The following HADH variants were observed in gnomAD, a reference collection of about 807,000 sequenced individuals.
The protein encoded by HADH is hydroxyacyl-CoA dehydrogenase.
Under a neutral mutation model 32.2 loss-of-function variants are expected in HADH, and 24 were observed. The observed-to-expected ratio is 0.75, with a 90% CI of 0.54 to 1.05. The LOEUF (loss-of-function observed/expected upper bound fraction) is 1.05, where lower values mean the gene tolerates loss of function less well. Ranked by LOEUF, HADH falls within the 50% of genes least tolerant of loss-of-function variation. The pLI is 0.00. For synonymous variants in HADH, 139 were observed against 152.5 expected, an observed-to-expected ratio of 0.91 and a Z score of 0.65; for missense variants, 350 against 397.1, an observed-to-expected ratio of 0.88 and a Z score of 1.01.
chr4:108,019,045 T>A (rs1024360134), intron 3 of HADH, among the ~76,000 whole-genome samples: 1 of 152,226 alleles, frequency 6.6e-6, no homozygotes, highest in East Asian at 1.9e-4. Flanking sequence ...GCTTTTCACT[T>A]CAGGGAAAAT....
At chr4:108,001,871 A>G (rs1001211262) in intron 1 of HADH, among the ~76,000 whole-genome samples, 3 of 152,240 alleles carry the variant, frequency 2.0e-5, no homozygotes, top group African/African-American at 7.2e-5. Flanking sequence ...GGTAACTGAA[A>G]CTACAGAAAG....
chr4:108,033,470 G>A (rs1736349686), intron 7 of HADH, among the ~76,000 whole-genome samples, 178 bp downstream of exon 7: 1 of 152,148 alleles, frequency 6.6e-6, no homozygotes, highest in African/African-American at 2.4e-5. Context: ...ACTGTCTAGT[G>A]TCTCTTTAAC....
intron 1 of HADH, among the ~76,000 whole-genome samples, chr4:107,998,161 C>G (rs1178849435): frequency 1.3e-5 from 2 of 152,188 alleles, no homozygotes; most frequent in Non-Finnish European, 2.9e-5. Context: ...GTTCAGATTA[C>G]TATAACACAG....
At chr4:107,994,754 G>T (rs148126008) in intron 1 of HADH, among the ~76,000 whole-genome samples, 23 of 152,232 alleles carry the variant, frequency 1.5e-4, no homozygotes, top group African/African-American at 5.3e-4. Context: ...TTCCCGAGTT[G>T]TTGCTTATCT....
chr4:108,015,306 T>C (rs761240024), intron 3 of HADH, among the ~76,000 whole-genome samples: 1 of 152,234 alleles, frequency 6.6e-6, no homozygotes, highest in Non-Finnish European at 1.5e-5. Flanking sequence ...GTTTTGACTT[T>C]TTAATAAAAG....
chr4:108,004,497 A>G (rs984135976), intron 1 of HADH: 1 of 460,516 alleles, frequency 2.2e-6, no homozygotes, highest in African/African-American at 2.0e-5. Flanking sequence ...ACTCCAGTGC[A>G]GCTGCCTGGC....
intron 5 of HADH, 145 bp downstream of exon 5, chr4:108,023,708 C>T (rs868604715): frequency 1.7e-5 from 12 of 692,788 alleles, no homozygotes; most frequent in Admixed American, 4.0e-5. Flanking sequence ...AAGAGCAATC[C>T]GTGCCTCCTG....
intron 3 of HADH, among the ~76,000 whole-genome samples, chr4:108,017,769 G>A (rs888176777): frequency 1.3e-5 from 2 of 152,030 alleles, no homozygotes; most frequent in Admixed American, 1.3e-4. Context: ...GGCTCGTCTC[G>A]AACTCCTGAC....
At chr4:108,021,963 A>G (rs1317038525) in intron 4 of HADH, among the ~76,000 whole-genome samples, 1 of 152,102 alleles carries the variant, frequency 6.6e-6, no homozygotes, top group Non-Finnish European at 1.5e-5. Context: ...TTCTTTGTTT[A>G]TATAGCACCT....
intron 5 of HADH, chr4:108,026,800 G>A (rs1382867518): frequency 2.6e-5 from 4 of 152,200 alleles, no homozygotes; most frequent in African/African-American, 9.7e-5. Flanking sequence ...ACAGCCTTTT[G>A]ACAAAAGAGG....
In HADH at chr4:108,033,261, C is replaced by T. The variant is rs143416676; in HGVS notation, c.795C>T (p.Val265=). 3.6e-5 allele frequency: 58 copies of T among 1,589,932 alleles called. No individual in the cohort carries two copies. The highest frequency in any genetic ancestry group is 6.7e-5 in the Admixed American group (4 of 59,954). The change falls in exon 7 of 8, where the codon GTC becomes GTT. Residue 265 remains valine, a synonymous_variant. Transcript: ENST00000309522. The stretch of plus-strand genomic sequence containing the variant: ...GCCCATTTGAGCTTCTAGATTATGT[C>T]GGACTGGATACTACGAAGTTCATCG... ...PMGPFELLDY[V]GLDTTKFIVD...
At chr4:108,016,607 G>T (rs1297797629) in intron 3 of HADH, among the ~76,000 whole-genome samples, 1 of 152,178 alleles carries the variant, frequency 6.6e-6, no homozygotes, top group Non-Finnish European at 1.5e-5. Context: ...TGAAAAGATT[G>T]GTCGCTCTTG....
chr4:108,027,039 G>C (rs887127844), intron 5 of HADH: 1 of 159,940 alleles, frequency 6.3e-6, no homozygotes, highest in Non-Finnish European at 1.4e-5. Flanking sequence ...CCAGCTCTCT[G>C]TCAGAGGCTC....
At chr4:108,029,939 G>A in intron 6 of HADH, 1 of 152,448 alleles carries the variant, frequency 6.6e-6, no homozygotes. Flanking sequence ...GGCTGGATAG[G>A]CTGTGTCTGA....
intron 1 of HADH, among the ~76,000 whole-genome samples, chr4:108,004,143 A>T (rs1735212129): frequency 6.6e-6 from 1 of 152,200 alleles, no homozygotes; most frequent in South Asian, 2.1e-4. Context: ...TGCCTTCCCC[A>T]AAGGCAGTTA....
intron 1 of HADH, among the ~76,000 whole-genome samples, chr4:108,007,362 C>G (rs1302255543): frequency 6.6e-6 from 1 of 152,202 alleles, no homozygotes; most frequent in Non-Finnish European, 1.5e-5. Flanking sequence ...CTGCCTCGGC[C>G]TCCCAAAGTA....
In HADH at chr4:108,009,879, A is replaced by G. The variant is rs1174075349; in HGVS notation, c.253A>G (p.Asn85Asp). ...AGTGGCAAAGAAGAAGTTTGCAGAAAACCTTAAGGTAATTTCTTATTATCG... is the reference window on the plus strand; with the variant it reads ...AGTGGCAAAGAAGAAGTTTGCAGAAGACCTTAAGGTAATTTCTTATTATCG... ...RKVAKKKFAE[N>D]LKAGDEFVEK... The change falls in exon 2 of 8, where the codon AAC becomes GAC. Residue 85 changes from asparagine (N) to aspartate (D), a missense_variant. Asn to Asp is a conservative substitution (Grantham distance 23). Coordinates refer to ENST00000309522, the MANE Select transcript of HADH (RefSeq NM_005327.7). 1 of 1,610,182 alleles carries G rather than the reference A, an allele frequency of 6.2e-7. No individual in the cohort carries two copies. Among genetic ancestry groups the G allele is most frequent in the African/African-American group, 1.3e-5 (1 of 74,958 alleles).
chr4:108,020,342 C>A (rs545038725), intron 4 of HADH, among the ~76,000 whole-genome samples: 15 of 152,180 alleles, frequency 9.9e-5, no homozygotes, highest in African/African-American at 3.4e-4. Flanking sequence ...TTTTGGTGCA[C>A]GCATGTAGTC....
chr4:108,005,048 T>TC (rs1308161793), intron 1 of HADH: 8 of 595,444 alleles, frequency 1.3e-5, no homozygotes, highest in Non-Finnish European at 2.2e-5. Context: ...CTTCTTTTTT[T>TC]CTTTCTTTCT....
Sources: gnomAD v4.1 joint callset for allele counts (sites outside exome capture counted in the v4.1 genomes callset) on GRCh38, gnomAD v4.1.1 for gene constraint, MANE v1.5 for transcripts, NCBI Gene and HGNC (gene_info 2026-07-23, HGNC 2026-07-21) for gene names.